Variants in KCNIP4 observed in about 807,000 individuals in gnomAD.
KCNIP4 encodes potassium voltage-gated channel interacting protein 4.
A neutral mutation model predicts 34.0 loss-of-function variants in KCNIP4; 12 were observed. The observed-to-expected ratio is 0.35, with a 90% CI of 0.23 to 0.57. KCNIP4 has a LOEUF of 0.57. KCNIP4 is among the 20% of genes least tolerant of loss of function. The pLI, the probability that KCNIP4 is intolerant of heterozygous loss-of-function variation, is 0.83. For synonymous variants in KCNIP4, 124 were observed against 102.2 expected (o/e 1.21, Z -1.29); for missense variants, 238 against 311.7 (o/e 0.76, Z 1.78).
chr4:21,651,069 T>G (rs1248852031), intron 1 of KCNIP4, among the ~76,000 whole-genome samples: 2 of 152,126 alleles, frequency 1.3e-5, no homozygotes, highest in Admixed American at 1.3e-4. Flanking sequence ...CTAGCTTGTG[T>G]AGATCAGGCC....
At chr4:21,148,517 T>C (rs1439073387) in intron 1 of KCNIP4, among the ~76,000 whole-genome samples, 1 of 152,186 alleles carries the variant, frequency 6.6e-6, no homozygotes, top group Non-Finnish European at 1.5e-5. Context: ...CGTTCTGACA[T>C]ATAATACCTT....
chr4:21,168,062 A>G (rs532668515), intron 1 of KCNIP4, among the ~76,000 whole-genome samples: 1 of 152,304 alleles, frequency 6.6e-6, no homozygotes, highest in Non-Finnish European at 1.5e-5. Context: ...CCAGGTAGTA[A>G]ATGATTTTTT....
chr4:21,349,498 C>T (rs1717789459), intron 1 of KCNIP4, among the ~76,000 whole-genome samples: 1 of 152,148 alleles, frequency 6.6e-6, no homozygotes, highest in African/African-American at 2.4e-5. Flanking sequence ...TGTCATTCAG[C>T]AGCGTCTTTT....
chr4:21,511,677 T>C (rs1350348726), intron 1 of KCNIP4, among the ~76,000 whole-genome samples: 1 of 152,086 alleles, frequency 6.6e-6, no homozygotes, highest in Non-Finnish European at 1.5e-5. Context: ...ACATCCACAG[T>C]TGTTGGAGAA....
intron 2 of KCNIP4, among the ~76,000 whole-genome samples, chr4:20,875,779 T>C (rs1471591326): frequency 1.3e-5 from 2 of 152,156 alleles, no homozygotes; most frequent in Non-Finnish European, 2.9e-5. Context: ...ATGTTGGCCA[T>C]TCAAGTTGCT....
At chr4:21,730,975 G>A (rs563144912) in intron 1 of KCNIP4, among the ~76,000 whole-genome samples, 9 of 152,102 alleles carry the variant, frequency 5.9e-5, no homozygotes, top group South Asian at 2.1e-4. Context: ...TTAGCCAGAC[G>A]TGGTGGTACA....
chr4:21,362,840 A>G (rs905363119), intron 1 of KCNIP4, among the ~76,000 whole-genome samples: 7 of 152,154 alleles, frequency 4.6e-5, no homozygotes, highest in Admixed American at 1.3e-4. Flanking sequence ...CGCCGTTTAT[A>G]TGCATCCTTC....
intron 1 of KCNIP4, among the ~76,000 whole-genome samples, chr4:21,566,719 G>A (rs1294770797): frequency 6.6e-6 from 1 of 152,114 alleles, no homozygotes; most frequent in Non-Finnish European, 1.5e-5. Flanking sequence ...ACAATACTTA[G>A]AGACATTTGG....
chr4:21,037,298 C>A (rs1741538692), intron 1 of KCNIP4, among the ~76,000 whole-genome samples: 1 of 152,202 alleles, frequency 6.6e-6, no homozygotes, highest in Admixed American at 6.5e-5. Context: ...AACTTTCACT[C>A]ACCACTCCCC....
In KCNIP4 at chr4:21,685,496, C is replaced by T. The variant is rs571246725; in HGVS notation, c.61+263075G>A. 3.3e-5 allele frequency among the ~76,000 whole-genome samples: 5 copies of T among 152,272 alleles called. No homozygotes were observed. The South Asian group carries it at 1.0e-3, about 32-fold the overall frequency. ...TAAGTGTTTCTACCCCACCAAGCCA[C>T]CACCTGAGGCACTTGTCACAATGTA... On this transcript the variant is annotated intron_variant, in intron 1 of 8. Coordinates refer to ENST00000382152, the MANE Select transcript of KCNIP4 (RefSeq NM_025221.6).
At chr4:21,101,149 A>G (rs1278866696) in intron 1 of KCNIP4, among the ~76,000 whole-genome samples, 1 of 152,066 alleles carries the variant, frequency 6.6e-6, no homozygotes, top group Non-Finnish European at 1.5e-5. Context: ...AGTGTGTATT[A>G]TTGCGCTGTA....
chr4:21,159,204 T>C (rs1336398368), intron 1 of KCNIP4, among the ~76,000 whole-genome samples: 1 of 152,120 alleles, frequency 6.6e-6, no homozygotes, highest in Non-Finnish European at 1.5e-5. Context: ...GTGCCAGAAT[T>C]CAAGACTGAT....
chr4:21,420,392 TG>T (rs1188836290), intron 1 of KCNIP4, among the ~76,000 whole-genome samples: 3 of 152,228 alleles, frequency 2.0e-5, no homozygotes, highest in African/African-American at 7.2e-5. Flanking sequence ...TTCTCTCTCC[TG>T]TTTTGTTCTG....
At chr4:21,697,373 A>T in intron 1 of KCNIP4, 1 of 1,537,556 alleles carries the variant, frequency 6.5e-7, no homozygotes, top group Non-Finnish European at 8.7e-7. Flanking sequence ...ACCTGTTAAT[A>T]GTCTGAGAAG....
chr4:21,926,346 T>C (rs1366227770), intron 1 of KCNIP4, among the ~76,000 whole-genome samples: 4 of 152,116 alleles, frequency 2.6e-5, no homozygotes, highest in Admixed American at 6.5e-5. Flanking sequence ...CTACCTCCCA[T>C]TACTACAAAT....
intron 1 of KCNIP4, among the ~76,000 whole-genome samples, chr4:21,086,514 C>T (rs17574283): frequency 0.21 from 31,994 of 152,062 alleles, 3,539 homozygotes; most frequent in African/African-American, 0.25. Context: ...TACATAATCA[C>T]CACTCACTGG....
At chr4:21,236,410 T>C (rs1254855220) in intron 1 of KCNIP4, among the ~76,000 whole-genome samples, 1 of 152,182 alleles carries the variant, frequency 6.6e-6, no homozygotes, top group Non-Finnish European at 1.5e-5. Context: ...ATTTCATTTA[T>C]TTTTCCACTA....
At chr4:21,714,491 A>G (rs1713995282) in intron 1 of KCNIP4, among the ~76,000 whole-genome samples, 1 of 148,914 alleles carries the variant, frequency 6.7e-6, no homozygotes. Flanking sequence ...GAGGAAGGAG[A>G]TAGAGACAGG....
intron 1 of KCNIP4, among the ~76,000 whole-genome samples, chr4:21,415,360 G>A (rs2109604443): frequency 6.6e-6 from 1 of 152,108 alleles, no homozygotes; most frequent in Non-Finnish European, 1.5e-5. Flanking sequence ...AAATGAATAA[G>A]CTTTAGAGAT....
Sources: allele counts gnomAD v4.1 joint callset (sites outside exome capture counted in the v4.1 genomes callset), GRCh38; gene constraint gnomAD v4.1.1; transcripts MANE v1.5; gene names NCBI Gene and HGNC (gene_info 2026-07-23, HGNC 2026-07-21).